Variants in OFD1 observed in about 807,000 individuals in gnomAD.
The protein encoded by OFD1 is OFD1 centriole and centriolar satellite protein.
A neutral mutation model predicts 81.4 loss-of-function variants in OFD1; 12 were observed. The observed-to-expected ratio is 0.15, with a 90% CI of 0.09 to 0.24. The LOEUF (loss-of-function observed/expected upper bound fraction) is 0.24, where lower values mean the gene tolerates loss of function less well. Among genes scored for constraint, OFD1 ranks in the 10% least tolerant of loss-of-function variants. The pLI is 1.00. For missense variants in OFD1, 685 were observed against 733.9 expected (o/e 0.93, Z 0.77); for synonymous variants, 256 against 263.7 (o/e 0.97, Z 0.28).
intron 5 of OFD1, among the ~76,000 whole-genome samples, chrX:13,741,324 A>G (rs779957381): frequency 9.0e-6 from 1 of 111,690 alleles, no homozygotes; most frequent in Non-Finnish European, 1.9e-5. Flanking sequence ...TTAGCTAACA[A>G]AATAGCTCCT....
At chrX:13,715,856 G>A in the OFD1 span, 54 of 992,247 alleles carry the variant, frequency 5.4e-5, no homozygotes, top group African/African-American at 1.4e-4. Context: ...ACTTACCTGC[G>A]GAGGGAGTTG....
rs1306533962 is a variant in OFD1, at chrX:13,761,156, T to G, written c.2332T>G (p.Ser778Ala). Residue 778 changes from serine (S) to alanine (A), a missense_variant, in exon 17 of 23, where the codon TCT becomes GCT. Coordinates refer to ENST00000340096, the MANE Select transcript of OFD1 (RefSeq NM_003611.3). Reference protein sequence around the residue: ...DRMPLPSPTESRHSLSIPPVS... With the variant: ...DRMPLPSPTEARHSLSIPPVS... ...AATGCCCCTACCATCACCCACTGAG[T>G]CTAGGCACAGCCTCTCCATCCCTCC... The G allele has an allele frequency of 5.0e-6, 6 of 1,210,441 alleles. No homozygotes were observed. The highest frequency in any genetic ancestry group is 5.6e-6 in the Non-Finnish European group (5 of 894,489).
chrX:13,760,531 A>G lies in OFD1; in HGVS notation c.2071A>G (p.Ile691Val), dbSNP rs2147049159. The G allele has an allele frequency of 8.5e-7, 1 of 1,173,393 alleles. No individual in the cohort carries two copies. The highest frequency in any genetic ancestry group is 1.1e-6 in the Non-Finnish European group (1 of 878,966). The change falls in exon 16 of 23, where the codon ATT becomes GTT. Residue 691 changes from isoleucine (I) to valine (V), a missense_variant. Transcript: ENST00000340096. ...TACTTCCAGTTCCCCGGAAAGACAT[A>G]TTTTTGGAGAGGACAGAGTTGTCTC... ...NITSSSPERH[I>V]FGEDRVVSEQ...
chrX:13,717,034 T>TAAAAAAAAAAAAAAAA, the OFD1 span, among the ~76,000 whole-genome samples: 1 of 37,936 alleles, frequency 2.6e-5, no homozygotes, highest in Non-Finnish European at 4.3e-5. Context: ...GATACTATGT[T>TAAAAAAAAAAAAAAAA]AAAAAAAAAA....
chrX:13,746,932 A>G lies in OFD1; in HGVS notation c.807A>G (p.Glu269=). The part of the protein sequence containing the change: ...ALVLREKSTL[E]RIHKHQEIET... ...TTCTTCGGGAAAAGAGTACCCTTGA[A>G]AGAATTCACAAGCACCAAGAGGTGG... Residue 269 remains glutamate (E), a synonymous_variant, in exon 8 of 23, where the codon GAA becomes GAG. Transcript: ENST00000340096. 1 of 1,210,904 alleles carries G rather than the reference A, an allele frequency of 8.3e-7. No individual in the cohort carries two copies. Among genetic ancestry groups the G allele is most frequent in the Non-Finnish European group, 1.1e-6 (1 of 894,657 alleles).
chrX:13,729,045 G>A, the OFD1 span, among the ~76,000 whole-genome samples: 6 of 111,268 alleles, frequency 5.4e-5, no homozygotes, highest in Non-Finnish European at 7.6e-5. Context: ...TACAAGGGAC[G>A]TGAAGGACCT....
At chrX:13,746,562 G>A (rs1340897345) in intron 7 of OFD1, 107 bp downstream of exon 7, 5 of 993,305 alleles carry the variant, frequency 5.0e-6, no homozygotes, top group Non-Finnish European at 7.1e-6. Flanking sequence ...ATAACGAATG[G>A]GATACTGTAC....
At chrX:13,761,841 C>T (rs1012205438) in intron 17 of OFD1, among the ~76,000 whole-genome samples, 4 of 107,293 alleles carry the variant, frequency 3.7e-5, no homozygotes, top group Non-Finnish European at 7.7e-5. Context: ...GCTCCAGGCT[C>T]GATCTCGGGC....
chrX:13,739,205 C>A, intron 5 of OFD1, 173 bp downstream of exon 5: 17 of 363,067 alleles, frequency 4.7e-5, no homozygotes, highest in East Asian at 1.6e-4. Context: ...TTTAGATATT[C>A]AATTAAAAAA....
chrX:13,734,555 A>C, upstream of OFD1: 2 of 396,918 alleles, frequency 5.0e-6, no homozygotes, highest in Non-Finnish European at 6.9e-6. Context: ...CGGAAACGCA[A>C]TGTCAGTTTC....
chrX:13,735,481 C>T (rs940025902), intron 2 of OFD1, 135 bp downstream of exon 2: 1 of 529,010 alleles, frequency 1.9e-6, no homozygotes, highest in Admixed American at 2.7e-5. Flanking sequence ...TTTTATATTC[C>T]CGAATAACTC....
downstream of OFD1, chrX:13,769,392 C>CCTAT (rs2147092004): frequency 1.4e-5 from 4 of 289,537 alleles, no homozygotes; most frequent in South Asian, 7.6e-5. Context: ...ATGAGTATAA[C>CCTAT]CTATCTTACT....
Position 13,761,181 on chromosome X carries a change from C to G in OFD1, c.2357C>G (p.Pro786Arg). 1 of 1,211,194 alleles carries G rather than the reference C, an allele frequency of 8.3e-7. No homozygotes were observed. Among genetic ancestry groups the G allele is most frequent in the Non-Finnish European group, 1.1e-6 (1 of 895,008 alleles). ...TCTAGGCACAGCCTCTCCATCCCTC[C>G]TGTCTCCAGCCCTCCGGAGCAGAAA... ...TESRHSLSIP[P>R]VSSPPEQKVG... The change falls in exon 17 of 23, where the codon CCT becomes CGT. Residue 786 changes from proline to arginine, a missense_variant. By Grantham distance (103) the Pro-to-Arg change is moderately radical. This residue lies in a region of OFD1 where 259 missense variants were observed against 254.4 expected (regional missense o/e 1.02). Coordinates refer to ENST00000340096, the MANE Select transcript of OFD1 (RefSeq NM_003611.3).
At chrX:13,753,759 T>A (rs1022635027) in intron 11 of OFD1, among the ~76,000 whole-genome samples, 26 of 110,895 alleles carry the variant, frequency 2.3e-4, no homozygotes, top group African/African-American at 8.6e-4. Context: ...TGCTGTCAAG[T>A]ACGTATTACT....
intron 15 of OFD1, among the ~76,000 whole-genome samples, chrX:13,758,923 T>C (rs1358372950): frequency 9.0e-6 from 1 of 111,517 alleles, no homozygotes; most frequent in African/African-American, 3.3e-5. Context: ...TTTAACTTCC[T>C]TGGGCCTCAG....
chrX:13,758,261 TAA>T lies in OFD1; in HGVS notation c.1543-75_1543-74del, dbSNP rs1368859171. 18 of 707,141 alleles carry T rather than the reference TAA, an allele frequency of 2.5e-5. No individual in the cohort carries two copies. In the Admixed American group the frequency reaches 2.6e-4, roughly 10 times the overall value. 58.3% of individuals were successfully genotyped at this position (707,141 alleles called of 1,213,427 possible). ...CAGAACAAAAAGAGTACAAACATGATAAGAGAACTTTTCCTTTTGAAGCAAGC... is the reference window on the plus strand; with the variant it reads ...CAGAACAAAAAGAGTACAAACATGATGAGAACTTTTCCTTTTGAAGCAAGC... On this transcript the variant is annotated intron_variant, in intron 14 of 22. Transcript: ENST00000340096.
At chrX:13,768,979 C>A in intron 22 of OFD1, 87 bp from the exon 23 acceptor site, 1 of 807,174 alleles carries the variant, frequency 1.2e-6, no homozygotes, top group Non-Finnish European at 1.9e-6. Context: ...AGAAACCCCC[C>A]AGGGAAGGAA....
At position 13,744,532 on chromosome X, in the gene OFD1, T is replaced by G. The variant is rs781196178; in HGVS notation, c.517+13T>G. 7.8e-5 allele frequency: 76 copies of G among 978,197 alleles called. No homozygotes were observed. The highest frequency in any genetic ancestry group is 1.8e-4 in the Admixed American group (8 of 45,472). The allele number at this position is 978,197 out of a possible 1,213,427, so 80.6% of individuals were successfully genotyped here. ...AGAGATTCTCTGGGTAATTATAGCC[T>G]TCTTTCTTAATTTCAGTTCTGCTGT... On this transcript the variant is annotated intron_variant, in intron 6 of 22. Coordinates refer to ENST00000340096, the MANE Select transcript of OFD1 (RefSeq NM_003611.3).
intron 5 of OFD1, chrX:13,740,264 G>GT: frequency 2.9e-6 from 2 of 687,412 alleles, no homozygotes; most frequent in Non-Finnish European, 4.0e-6. Context: ...GTGACTCTCT[G>GT]TGATTATGGA....
Sources: allele counts gnomAD v4.1 joint callset (sites outside exome capture counted in the v4.1 genomes callset), GRCh38; gene constraint gnomAD v4.1.1; regional missense constraint gnomAD v4.1.1; transcripts MANE v1.5; gene names NCBI Gene and HGNC (gene_info 2026-07-23, HGNC 2026-07-21).